Variants in ACLY observed in about 807,000 individuals in gnomAD.
ACLY encodes ATP-citrate synthase.
A neutral mutation model predicts 133.0 loss-of-function variants in ACLY; 41 were observed. That is an observed-to-expected ratio of 0.31 (90% CI 0.24 to 0.40). The LOEUF (loss-of-function observed/expected upper bound fraction) is 0.40. ACLY is among the 10% of genes least tolerant of loss of function. The pLI is 1.00. For missense variants in ACLY, 1,046 were observed against 1,453.8 expected (o/e 0.72, Z 4.56); for synonymous variants, 495 against 549.3 (o/e 0.90, Z 1.38).
intron 22 of ACLY, among the ~76,000 whole-genome samples, chr17:41,874,446 AT>A (rs1555625648): frequency 6.6e-6 from 1 of 151,776 alleles, no homozygotes; most frequent in African/African-American, 2.4e-5. Context: ...TAATTTTAAA[AT>A]TTTTTTGTAG....
At chr17:41,883,388 G>A (rs1014343129) in intron 19 of ACLY, among the ~76,000 whole-genome samples, 156 bp from the exon 20 acceptor site, 8 of 152,022 alleles carry the variant, frequency 5.3e-5, no homozygotes, top group African/African-American at 1.9e-4. Flanking sequence ...ACAAACAGCA[G>A]GTCTCCTAGA....
At chr17:41,871,007 G>A (rs2048583658) in intron 25 of ACLY, among the ~76,000 whole-genome samples, 1 of 152,194 alleles carries the variant, frequency 6.6e-6, no homozygotes, top group African/African-American at 2.4e-5. Context: ...GTAAGCCACT[G>A]AGATTTTTGG....
chr17:41,874,783 C>T (rs1375176839), intron 22 of ACLY, among the ~76,000 whole-genome samples: 2 of 148,348 alleles, frequency 1.3e-5, no homozygotes, highest in East Asian at 4.2e-4. Flanking sequence ...CCGTTTTAGC[C>T]AGGATGGTCT....
At chr17:41,871,993 G>C (rs2048610281) in intron 24 of ACLY, 39 bp downstream of exon 24, 1 of 1,611,246 alleles carries the variant, frequency 6.2e-7, no homozygotes, top group Non-Finnish European at 8.5e-7. Flanking sequence ...CCAAGGCCCA[G>C]TGTCCCCACT....
intron 8 of ACLY, 26 bp downstream of exon 8, chr17:41,906,502 T>A (rs782520787): frequency 6.3e-7 from 1 of 1,596,992 alleles, no homozygotes; most frequent in Non-Finnish European, 8.6e-7. Flanking sequence ...TGGGCTGGCA[T>A]CCCTTCAGCA....
chr17:41,888,616 T>G (rs1394318028), intron 16 of ACLY, among the ~76,000 whole-genome samples: 3 of 152,208 alleles, frequency 2.0e-5, no homozygotes, highest in Non-Finnish European at 2.9e-5. Flanking sequence ...CCAGGTAGAG[T>G]GGCTCATGCC....
At chr17:41,919,014 T>C (rs2050134277), upstream of ACLY, 5 of 1,284,854 alleles carry the variant, frequency 3.9e-6, no homozygotes, top group South Asian at 5.0e-5. Flanking sequence ...CCCGCCCCCA[T>C]CGGCTCGCGG....
intron 1 of ACLY, 65 bp downstream of exon 1, chr17:41,918,815 G>A (rs1555634925): frequency 2.4e-6 from 3 of 1,267,652 alleles, no homozygotes; most frequent in Non-Finnish European, 3.1e-6. Flanking sequence ...CGGGTTGGGG[G>A]ACGGAGGCAG....
chr17:41,918,946 C>T lies in ACLY; in HGVS notation c.-90G>A. The T allele has an allele frequency of 2.3e-6, 3 of 1,289,300 alleles. No individual in the cohort carries two copies. Among genetic ancestry groups the T allele is most frequent in the Non-Finnish European group, 3.0e-6 (3 of 988,692 alleles). 79.9% of individuals were successfully genotyped at this position (1,289,300 alleles called of 1,614,324 possible). A position where few individuals can be genotyped will look rare whatever the true frequency, so the allele number is the denominator to read the frequency against. ...ACGAACCCCGCAAAATCCGGAGCAC[C>T]CCAGCAGCCGGTAGCTTCCCGGGAT... On this transcript the variant is annotated 5_prime_UTR_variant, in exon 1 of 29. Coordinates refer to ENST00000352035, the MANE Select transcript of ACLY (RefSeq NM_001096.3).
upstream of ACLY, among the ~76,000 whole-genome samples, chr17:41,920,495 G>A (rs891296356): frequency 1.1e-4 from 16 of 151,380 alleles, no homozygotes; most frequent in Admixed American, 8.6e-4. Flanking sequence ...TGAGGTTGAG[G>A]CATGAGAATC....
intron 9 of ACLY, 136 bp from the exon 10 acceptor site, chr17:41,904,926 AG>A: frequency 2.6e-6 from 2 of 774,436 alleles, no homozygotes; most frequent in South Asian, 3.2e-5. Flanking sequence ...GGGAGTGAGT[AG>A]GACAGTCTCT....
chr17:41,870,351 C>T (rs1181449689), intron 25 of ACLY: 1 of 152,242 alleles, frequency 6.6e-6, no homozygotes, highest in East Asian at 1.9e-4. Context: ...TCAGAGCCAC[C>T]CACCTTCCCT....
chr17:41,914,377 C>T (rs1298827086), intron 1 of ACLY, among the ~76,000 whole-genome samples: 1 of 152,160 alleles, frequency 6.6e-6, no homozygotes, highest in African/African-American at 2.4e-5. Flanking sequence ...GCCTTTCTCT[C>T]CCTACAGGTT....
chr17:41,927,823 C>T (rs1355678202), intron 1 of ACLY, among the ~76,000 whole-genome samples: 1 of 147,018 alleles, frequency 6.8e-6, no homozygotes, highest in Non-Finnish European at 1.5e-5. Context: ...GAGACTCCAT[C>T]TCAAAAAAAA....
At chr17:41,868,616 G>T (rs12946315) in intron 28 of ACLY, 93 bp downstream of exon 28, 2 of 197,252 alleles carry the variant, frequency 1.0e-5, no homozygotes, top group Non-Finnish European at 8.4e-6. Context: ...AAAAAAAAAA[G>T]AAAGAAAAAG....
chr17:41,921,081 G>A (rs148468987), upstream of ACLY, among the ~76,000 whole-genome samples: 525 of 149,946 alleles, frequency 3.5e-3, 3 homozygotes, highest in African/African-American at 0.012. Context: ...AGCCGAGATC[G>A]CACCAGTGCA....
At chr17:41,869,251 G>C in intron 26 of ACLY, 126 bp from the exon 27 acceptor site, 1 of 933,444 alleles carries the variant, frequency 1.1e-6, no homozygotes, top group South Asian at 1.6e-5. Context: ...AGCCCCACTG[G>C]TCGACACTGT....
At position 41,887,641 on chromosome 17, in the gene ACLY, C is replaced by T. The variant is rs1364778524; in HGVS notation, c.1833G>A (p.Lys611=). 6.2e-7 allele frequency: 1 copy of T among 1,613,792 alleles called. No individual in the cohort carries two copies. Among genetic ancestry groups the T allele is most frequent in the Non-Finnish European group, 8.5e-7 (1 of 1,179,892 alleles). The change falls in exon 17 of 29, where the codon AAG becomes AAA. Residue 611 remains lysine, a synonymous_variant. Coordinates refer to ENST00000352035, the MANE Select transcript of ACLY (RefSeq NM_001096.3). Reference sequence around the variant, plus strand: ...TGGTCACTCCCTTCTGGTCCGCCTTCTTGATCAGCTTTCTCGTGAGGGCCT... The same window carrying T: ...TGGTCACTCCCTTCTGGTCCGCCTTTTTGATCAGCTTTCTCGTGAGGGCCT... The part of the protein sequence containing the change: ...IPEALTRKLI[K]KADQKGVTII...
rs781831373 is a variant in ACLY at position 41,887,685 on chromosome 17, T to C, written c.1789A>G (p.Ile597Val). 1.2e-5 allele frequency: 20 copies of C among 1,613,596 alleles called. No individual in the cohort carries two copies. The South Asian group carries it at 1.6e-4, about 13-fold the overall frequency. Residue 597 changes from isoleucine to valine, a missense_variant, in exon 17 of 29, where the codon ATA becomes GTA. Physicochemically the swap from Ile to Val is conservative, Grantham distance 29. Around this residue, in one of 4 missense-constraint regions of ACLY, gnomAD observed 575 missense variants for 804.2 expected, o/e 0.71. Transcript: ENST00000352035. ...AGGGCCTCAGGGATGCCTTCAGCTA[T>C]GATGGCGATGGTCCGGATCTAGAGG... ...NYAQIRTIAI[I>V]AEGIPEALTR... is the part of the protein sequence containing the mutation.
Sources: gnomAD v4.1 joint callset for allele counts (sites outside exome capture counted in the v4.1 genomes callset) on GRCh38, gnomAD v4.1.1 for gene constraint, gnomAD v4.1.1 regional missense constraint, MANE v1.5 for transcripts, NCBI Gene and HGNC (gene_info 2026-07-23, HGNC 2026-07-21) for gene names.